NEK11: variants seen among roughly 807,000 people sequenced by gnomAD.
The protein encoded by NEK11 is NIMA related kinase 11, also known as serine/threonine-protein kinase Nek11.
NEK11 carries 72 observed loss-of-function variants against 80.7 expected under a neutral mutation model. The observed-to-expected ratio is 0.89, with a 90% CI of 0.74 to 1.08. NEK11 has a LOEUF of 1.08. Among genes scored for constraint, NEK11 ranks in the 50% least tolerant of loss-of-function variants. The pLI, the probability that NEK11 is intolerant of heterozygous loss-of-function variation, is 0.00. For missense variants in NEK11, 764 were observed against 763.6 expected, an observed-to-expected ratio of 1.00 and a Z score of -0.01; for synonymous variants, 251 against 260.7, an observed-to-expected ratio of 0.96 and a Z score of 0.36.
intron 16 of NEK11, among the ~76,000 whole-genome samples, chr3:131,245,230 G>A (rs528677727): frequency 6.6e-6 from 1 of 151,648 alleles, no homozygotes; most frequent in Non-Finnish European, 1.5e-5. Context: ...TAAGATAATG[G>A]CCTCCAGTTC....
At position 131,126,321 on chromosome 3, in the gene NEK11, T is replaced by C. The variant is rs574157071; in HGVS notation, c.456-6424T>C. 1.4e-4 allele frequency among the ~76,000 whole-genome samples: 21 copies of C among 152,336 alleles called. No individual in the cohort carries two copies. The South Asian group carries it at 4.4e-3, about 32-fold the overall frequency. On this transcript the variant is annotated intron_variant, in intron 5 of 17. Transcript: ENST00000383366. ...CCATGTCTTCCTTCTGTGGTCATTTTTTTTCCTCCCCAAAACAAATCCTTA... is the reference window on the plus strand; with the variant it reads ...CCATGTCTTCCTTCTGTGGTCATTTCTTTTCCTCCCCAAAACAAATCCTTA...
At chr3:131,043,513 A>G (rs934654183) in intron 3 of NEK11, among the ~76,000 whole-genome samples, 1 of 152,262 alleles carries the variant, frequency 6.6e-6, no homozygotes, top group African/African-American at 2.4e-5. Flanking sequence ...AAAGTATATC[A>G]GTGATTGAAG....
chr3:131,262,580 A>G (rs1437349265), intron 16 of NEK11, among the ~76,000 whole-genome samples: 2 of 152,186 alleles, frequency 1.3e-5, no homozygotes, highest in Non-Finnish European at 2.9e-5. Context: ...ATGGCAAGAG[A>G]AGACATTCTT....
intron 15 of NEK11, among the ~76,000 whole-genome samples, chr3:131,240,869 A>G (rs921361404): frequency 6.6e-6 from 1 of 152,166 alleles, no homozygotes; most frequent in African/African-American, 2.4e-5. Flanking sequence ...ATGAAGATCT[A>G]CATGGTGTGA....
At chr3:131,198,877 T>C (rs1368755410) in intron 14 of NEK11, among the ~76,000 whole-genome samples, 1 of 152,220 alleles carries the variant, frequency 6.6e-6, no homozygotes, top group Non-Finnish European at 1.5e-5. Flanking sequence ...ATGTTCTGGC[T>C]ATTTCGCCGT....
intron 17 of NEK11, among the ~76,000 whole-genome samples, chr3:131,341,171 G>C (rs560485908): frequency 6.6e-6 from 1 of 152,086 alleles, no homozygotes; most frequent in Non-Finnish European, 1.5e-5. Flanking sequence ...AATATAGTGT[G>C]TTTTCCAAAT....
chr3:131,291,403 C>A (rs1410137026), intron 17 of NEK11, among the ~76,000 whole-genome samples: 1 of 152,130 alleles, frequency 6.6e-6, no homozygotes, highest in Non-Finnish European at 1.5e-5. Flanking sequence ...ATGTTCAATT[C>A]TCTCTGTGGA....
chr3:131,090,428 T>G (rs1447937382), intron 4 of NEK11, among the ~76,000 whole-genome samples: 2 of 152,244 alleles, frequency 1.3e-5, no homozygotes, highest in African/African-American at 4.8e-5. Flanking sequence ...ATATTAATTT[T>G]GGGTCAGTTA....
chr3:131,228,558 AG>A lies in NEK11; in HGVS notation c.1431del (p.Glu477AspfsTer21). The A allele has an allele frequency of 6.2e-7, 1 of 1,608,552 alleles. No homozygotes were observed. Among genetic ancestry groups the A allele is most frequent in the Non-Finnish European group, 8.5e-7 (1 of 1,177,156 alleles). On this transcript the variant is annotated frameshift_variant, in exon 15 of 18. Coordinates refer to ENST00000383366, the MANE Select transcript of NEK11 (RefSeq NM_024800.5). LOFTEE classifies it high-confidence loss of function. The part of the protein sequence containing the change: ...EIPEDPLVAE[E>X]YYADAFDSYC... ...CCAGAAGACCCACTTGTGGCTGAAG[AG>A]TACTACGCTGATGCATTTGATTCCT... is the stretch of plus-strand genomic sequence containing the variant.
chr3:131,276,675 A>C lies in NEK11; in HGVS notation c.1718+3101A>C, dbSNP rs369590000. ...ACTGATCCGTTTGAGAATAGATTCC[A>C]TGCTTCATGATTCTTCAACCCTAAA... On this transcript the variant is annotated intron_variant, in intron 17 of 17. Transcript: ENST00000383366. Among the ~76,000 whole-genome samples the C allele has an allele frequency of 2.2e-3, 331 of 152,168 alleles. 3 individuals carry two copies. The highest frequency in any genetic ancestry group is 7.4e-3 in the African/African-American group (306 of 41,558).
At chr3:131,235,978 T>C (rs2107955110) in intron 15 of NEK11, among the ~76,000 whole-genome samples, 1 of 152,308 alleles carries the variant, frequency 6.6e-6, no homozygotes, top group South Asian at 2.1e-4. Flanking sequence ...TGATTTAAAA[T>C]CATGTTTAAA....
intron 3 of NEK11, among the ~76,000 whole-genome samples, chr3:131,048,745 A>G (rs1263361279): frequency 2.0e-5 from 3 of 152,118 alleles, no homozygotes; most frequent in Non-Finnish European, 2.9e-5. Flanking sequence ...AGTTCTCTGT[A>G]TGAGTCTTCA....
Position 131,146,569 on chromosome 3 carries a change from T to C in NEK11, c.648-5819T>C, listed in dbSNP as rs114562958. Among the ~76,000 whole-genome samples the C allele has an allele frequency of 4.6e-3, 708 of 152,324 alleles. 4 individuals carry two copies. The highest frequency in any genetic ancestry group is 0.015 in the African/African-American group (643 of 41,578). ...TGTGGGGAAATAACCAAGTATATTGTGGCAATTCATAACATAAACATTCTA... is the reference window on the plus strand; with the variant it reads ...TGTGGGGAAATAACCAAGTATATTGCGGCAATTCATAACATAAACATTCTA... On this transcript the variant is annotated intron_variant, in intron 7 of 17. Coordinates refer to ENST00000383366, the MANE Select transcript of NEK11 (RefSeq NM_024800.5).
intron 17 of NEK11, among the ~76,000 whole-genome samples, chr3:131,295,917 G>A (rs998179603): frequency 6.6e-6 from 1 of 152,046 alleles, no homozygotes; most frequent in African/African-American, 2.4e-5. Flanking sequence ...TCATTTCACT[G>A]CAGCCCTGAC....
At chr3:131,227,971 C>G (rs143156988) in intron 14 of NEK11, among the ~76,000 whole-genome samples, 2 of 152,104 alleles carry the variant, frequency 1.3e-5, no homozygotes, top group African/African-American at 4.8e-5. Flanking sequence ...TGAACTCCAT[C>G]TCAAAAGCCA....
chr3:131,339,624 T>TG (rs1223108308), intron 17 of NEK11, among the ~76,000 whole-genome samples: 1 of 152,208 alleles, frequency 6.6e-6, no homozygotes, highest in Non-Finnish European at 1.5e-5. Flanking sequence ...GGGAAATATT[T>TG]GGGACAAAGC....
chr3:131,335,424 A>G (rs1354236773), intron 17 of NEK11, among the ~76,000 whole-genome samples: 1 of 152,220 alleles, frequency 6.6e-6, no homozygotes, highest in Non-Finnish European at 1.5e-5. Context: ...AACAACCTTC[A>G]TGCTAAAAAC....
intron 16 of NEK11, among the ~76,000 whole-genome samples, chr3:131,269,555 GCACCC>G: frequency 6.6e-6 from 1 of 152,164 alleles, no homozygotes; most frequent in East Asian, 1.9e-4. Context: ...TCTGTGGGCT[GCACCC>G]ATTGTCTAAC....
chr3:131,239,618 G>A (rs1427396860), intron 15 of NEK11, among the ~76,000 whole-genome samples: 1 of 152,156 alleles, frequency 6.6e-6, no homozygotes, highest in African/African-American at 2.4e-5. Flanking sequence ...CTACCAGCCA[G>A]GAGAGTGCTG....
Sources: allele counts gnomAD v4.1 joint callset (sites outside exome capture counted in the v4.1 genomes callset), GRCh38; gene constraint gnomAD v4.1.1; transcripts MANE v1.5; gene names NCBI Gene and HGNC (gene_info 2026-07-23, HGNC 2026-07-21).